The following TNC variants were observed in gnomAD, a reference collection of about 807,000 sequenced individuals.
The protein encoded by TNC is tenascin C.
TNC carries 109 observed loss-of-function variants against 202.4 expected under a neutral mutation model. That is an observed-to-expected ratio of 0.54 (90% CI 0.46 to 0.63). The LOEUF is 0.63. TNC is among the 30% of genes least tolerant of loss of function. The pLI, the probability that TNC is intolerant of heterozygous loss-of-function variation, is 0.00. For missense variants in TNC, 2,756 were observed against 2,833.3 expected, an observed-to-expected ratio of 0.97 and a Z score of 0.62; for synonymous variants, 1,007 against 1,089.7, an observed-to-expected ratio of 0.92 and a Z score of 1.50.
In TNC at chr9:115,063,101, A is replaced by G. The variant is rs1416800625; in HGVS notation, c.3849T>C (p.Tyr1283=). The G allele has an allele frequency of 3.7e-6, 6 of 1,614,082 alleles. No individual in the cohort carries two copies. The highest frequency in any genetic ancestry group is 5.1e-6 in the Non-Finnish European group (6 of 1,180,036). The change falls in exon 13 of 28, where the codon TAT becomes TAC. Residue 1283 remains tyrosine, a synonymous_variant. Coordinates refer to ENST00000350763, the MANE Select transcript of TNC (RefSeq NM_002160.4). The stretch of plus-strand genomic sequence containing the variant: ...CCTGGACCTGAATAGTAAACTGGTC[A>G]TAGGTTCCATCTGGCGTGGTCCAGT... ...RLNWTTPDGT[Y]DQFTIQVQEA...
At chr9:115,070,830 T>C (rs1024848995) in intron 10 of TNC, among the ~76,000 whole-genome samples, 1 of 152,210 alleles carries the variant, frequency 6.6e-6, no homozygotes, top group African/African-American at 2.4e-5. Context: ...AGCTCTCGCT[T>C]TTCCTGTTTT....
At chr9:115,062,860 A>C in intron 13 of TNC, 57 bp downstream of exon 13, 1 of 1,565,742 alleles carries the variant, frequency 6.4e-7, no homozygotes, top group Non-Finnish European at 8.7e-7. Flanking sequence ...AATTTTCTCT[A>C]TTTCAATGAC....
At chr9:115,048,171 A>G in intron 16 of TNC, 89 bp downstream of exon 16, 1 of 1,477,068 alleles carries the variant, frequency 6.8e-7, no homozygotes, top group Admixed American at 2.1e-5. Flanking sequence ...GAATGTGAAC[A>G]AAGATGTTAA....
chr9:115,080,771 A>T (rs1032806384), intron 6 of TNC, among the ~76,000 whole-genome samples: 60 of 151,874 alleles, frequency 4.0e-4, no homozygotes, highest in African/African-American at 1.4e-3. Flanking sequence ...AATTAGCCAG[A>T]TGTGGTGGTG....
intron 10 of TNC, among the ~76,000 whole-genome samples, 200 bp from the exon 11 acceptor site, chr9:115,065,119 G>A (rs1209789174): frequency 2.0e-5 from 3 of 152,178 alleles, no homozygotes; most frequent in Non-Finnish European, 4.4e-5. Flanking sequence ...TTTGTGGCCG[G>A]GCATGGTGGC....
At chr9:115,073,887 T>C in intron 9 of TNC, 21 bp from the exon 10 acceptor site, 2 of 1,601,574 alleles carry the variant, frequency 1.2e-6, no homozygotes, top group Non-Finnish European at 1.7e-6. Flanking sequence ...AACAGAGAGA[T>C]GAATGCTCTT....
intron 20 of TNC, 79 bp from the exon 21 acceptor site, chr9:115,036,320 A>C: frequency 2.7e-6 from 4 of 1,494,638 alleles, no homozygotes; most frequent in Non-Finnish European, 3.7e-6. Context: ...CCACATACAC[A>C]CCTCCTTCGA....
intron 3 of TNC, 60 bp from the exon 4 acceptor site, chr9:115,084,532 G>A (rs1364338059): frequency 1.3e-6 from 2 of 1,571,946 alleles, no homozygotes; most frequent in Admixed American, 1.8e-5. Flanking sequence ...ATCTCTCTAG[G>A]TTTGTTTGAC....
chr9:115,021,060 G>A lies in TNC; in HGVS notation c.*97C>T, dbSNP rs1181955385. The A allele has an allele frequency of 3.0e-6, 3 of 1,011,084 alleles. No individual in the cohort carries two copies. Among genetic ancestry groups the A allele is most frequent in the Non-Finnish European group, 4.5e-6 (3 of 663,610 alleles). The allele number at this position is 1,011,084 out of a possible 1,614,324, so 62.6% of individuals were successfully genotyped here. ...GCTTTGACTCTCACCAAATGCCCAG[G>A]TGTGGACCGATGGTTGGGCTGGTTG... On this transcript the variant is annotated 3_prime_UTR_variant, in exon 28 of 28. Coordinates refer to ENST00000350763, the MANE Select transcript of TNC (RefSeq NM_002160.4).
At chr9:115,114,874 G>A (rs1837342965) in intron 1 of TNC, 1 of 152,134 alleles carries the variant, frequency 6.6e-6, no homozygotes, top group Non-Finnish European at 1.5e-5. Context: ...TAGTGTCTGA[G>A]TGAGAATGAG....
At position 115,019,752 on chromosome 9, in the gene TNC, C is replaced by T. The variant is rs773196602; in HGVS notation, c.*1405G>A. The T allele has an allele frequency of 2.6e-5, 4 of 152,138 alleles. No individual in the cohort carries two copies. The highest frequency in any genetic ancestry group is 7.2e-5 in the African/African-American group (3 of 41,418). The allele number at this position is 152,138 out of a possible 1,614,324, so 9.4% of individuals were successfully genotyped here. On this transcript the variant is annotated 3_prime_UTR_variant, in exon 28 of 28. Coordinates refer to ENST00000350763, the MANE Select transcript of TNC (RefSeq NM_002160.4). ...AATGGATAACATAATTTATTCTTCACAAAAATGTTCTGAAATGAGAAGTAT... is the reference window on the plus strand; with the variant it reads ...AATGGATAACATAATTTATTCTTCATAAAAATGTTCTGAAATGAGAAGTAT...
rs146504512 is a variant in TNC at position 115,048,372 on chromosome 9, G to T, written c.4740C>A (p.Thr1580=). Residue 1580 remains threonine, a synonymous_variant, in exon 16 of 28, where the codon ACC becomes ACA. Coordinates refer to ENST00000350763, the MANE Select transcript of TNC (RefSeq NM_002160.4). ...GGCCTCTAAGCTCCAGCTTCCTCTG[G>T]GTTCCTGAAAGTGTGAATTCCTGGG... ...LDPQEFTLSG[T]QRKLELRGLI... is the part of the protein sequence containing the mutation. 1.1e-5 allele frequency: 17 copies of T among 1,613,924 alleles called. No individual in the cohort carries two copies. The highest frequency in any genetic ancestry group is 1.3e-5 in the African/African-American group (1 of 74,908).
At chr9:115,095,458 GTATA>G (rs1408096728) in intron 1 of TNC, among the ~76,000 whole-genome samples, 1 of 93,712 alleles carries the variant, frequency 1.1e-5, no homozygotes, top group East Asian at 2.9e-4. Flanking sequence ...ATATATATAT[GTATA>G]TATATATGTA....
chr9:115,045,652 G>A (rs554498999), intron 17 of TNC, among the ~76,000 whole-genome samples: 1 of 151,144 alleles, frequency 6.6e-6, no homozygotes, highest in South Asian at 2.1e-4. Flanking sequence ...GAAATGCTGG[G>A]ATTACAGGTG....
chr9:115,057,475 T>G (rs548500394), intron 14 of TNC, 50 bp from the exon 15 acceptor site: 1 of 1,522,866 alleles, frequency 6.6e-7, no homozygotes, highest in South Asian at 1.3e-5. Flanking sequence ...TTGAGTTAAT[T>G]ATTTGGCTGT....
chr9:115,048,214 A>G (rs1355615639), intron 16 of TNC, 46 bp downstream of exon 16: 26 of 1,599,278 alleles, frequency 1.6e-5, no homozygotes, highest in East Asian at 2.2e-5. Context: ...GATTACACAG[A>G]AGGGGACCAG....
At chr9:115,095,650 GTA>G (rs370860688) in intron 1 of TNC, among the ~76,000 whole-genome samples, 1 of 5,338 alleles carries the variant, frequency 1.9e-4, no homozygotes, top group African/African-American at 8.0e-4. Flanking sequence ...ATATATATAT[GTA>G]TATATATGTA....
At position 115,062,952 on chromosome 9, in the gene TNC, T is replaced by C. The variant is rs1387842809; in HGVS notation, c.3998A>G (p.His1333Arg). 5.0e-6 allele frequency: 8 copies of C among 1,613,908 alleles called. No individual in the cohort carries two copies. Among genetic ancestry groups the C allele is most frequent in the Non-Finnish European group, 6.8e-6 (8 of 1,179,990 alleles). The change falls in exon 13 of 28, where the codon CAC becomes CGC. Residue 1333 changes from histidine (H) to arginine (R), a missense_variant. His to Arg is a conservative substitution (Grantham distance 29, BLOSUM62 0). Transcript: ENST00000350763. Reference sequence around the variant, plus strand: ...CTCTACAGCAAGGGGTCGAGTGCTGTGGCCCCTGACCTCGCCGTGCAGGGT... The same window carrying C: ...CTCTACAGCAAGGGGTCGAGTGCTGCGGCCCCTGACCTCGCCGTGCAGGGT... Reference protein sequence around the residue: ...TVTLHGEVRGHSTRPLAVEVV... With the variant: ...TVTLHGEVRGRSTRPLAVEVV...
At chr9:115,108,526 A>C (rs934495871) in intron 1 of TNC, among the ~76,000 whole-genome samples, 1 of 151,918 alleles carries the variant, frequency 6.6e-6, no homozygotes, top group Admixed American at 6.6e-5. Context: ...CTAAAAGAGC[A>C]CTCCTCTCAC....
Sources: gnomAD v4.1 joint callset for allele counts (sites outside exome capture counted in the v4.1 genomes callset) on GRCh38, gnomAD v4.1.1 for gene constraint, MANE v1.5 for transcripts, NCBI Gene and HGNC (gene_info 2026-07-23, HGNC 2026-07-21) for gene names.